LIMD1: variants seen among roughly 807,000 people sequenced by gnomAD.
LIMD1 encodes LIM domain containing 1.
LIMD1 carries 23 observed loss-of-function variants against 58.4 expected under a neutral mutation model. The ratio of observed to expected loss-of-function variants is 0.39; its 90% CI spans 0.28 to 0.56. The LOEUF (loss-of-function observed/expected upper bound fraction) is 0.56, where lower values mean the gene tolerates loss of function less well. Among genes scored for constraint, LIMD1 ranks in the 20% least tolerant of loss-of-function variants. The pLI is 0.57. For missense variants in LIMD1, 838 were observed against 855.5 expected (o/e 0.98, Z 0.25); for synonymous variants, 334 against 345.5 (o/e 0.97, Z 0.37).
Position 45,595,612 on chromosome 3 carries a change from G to A in LIMD1, c.733G>A (p.Gly245Ser), listed in dbSNP as rs138283453. 32 of 1,613,850 alleles carry A rather than the reference G, an allele frequency of 2.0e-5. No individual in the cohort carries two copies. The highest frequency in any genetic ancestry group is 1.9e-4 in the African/African-American group (14 of 74,860). ...SSSRSSEGSL[G>S]GQNSGIGGRS... ...CAGCAGGTCTTCTGAGGGTAGCCTCGGTGGTCAGAATAGTGGCATTGGTGG... is the reference window on the plus strand; with the variant it reads ...CAGCAGGTCTTCTGAGGGTAGCCTCAGTGGTCAGAATAGTGGCATTGGTGG... Residue 245 changes from glycine to serine, a missense_variant, in exon 1 of 8, where the codon GGT becomes AGT. This residue lies in a region of LIMD1 where 659 missense variants were observed against 639.8 expected (regional missense o/e 1.03). Transcript: ENST00000273317.
chr3:45,646,214 G>A (rs1299724258), intron 2 of LIMD1, among the ~76,000 whole-genome samples: 1 of 152,202 alleles, frequency 6.6e-6, no homozygotes, highest in Non-Finnish European at 1.5e-5. Context: ...GTGTGTTCGT[G>A]CCCAGGGGCA....
chr3:45,616,482 C>T (rs73830443), intron 1 of LIMD1, among the ~76,000 whole-genome samples: 1,657 of 152,216 alleles, frequency 0.011, 25 homozygotes, highest in African/African-American at 0.037. Flanking sequence ...TTCAGTGCCC[C>T]CGACCCCTTC....
chr3:45,601,230 G>GA (rs1701408671), intron 1 of LIMD1, among the ~76,000 whole-genome samples: 1 of 152,198 alleles, frequency 6.6e-6, no homozygotes, highest in African/African-American at 2.4e-5. Flanking sequence ...GGGTAGAGGA[G>GA]AGCTGAGCTG....
At chr3:45,644,637 C>T (rs1269819301) in intron 2 of LIMD1, among the ~76,000 whole-genome samples, 1 of 152,176 alleles carries the variant, frequency 6.6e-6, no homozygotes, top group Non-Finnish European at 1.5e-5. Context: ...TGGTTGGTTT[C>T]GTCACTGTTA....
At position 45,684,781 on chromosome 3, in the gene LIMD1, A is replaced by G. The variant is rs1273245741; in HGVS notation, c.*7722A>G. On this transcript the variant is annotated 3_prime_UTR_variant, in exon 8 of 8. Transcript: ENST00000273317. ...CCTTGACACCTGCACACATGGCAAC[A>G]AACAGAAGGGAGGCGAAATCTTCCA... 1.3e-5 allele frequency: 2 copies of G among 152,214 alleles called. No individual in the cohort carries two copies. Among genetic ancestry groups the G allele is most frequent in the Non-Finnish European group, 2.9e-5 (2 of 68,034 alleles). 9.4% of individuals were successfully genotyped at this position (152,214 alleles called of 1,614,324 possible).
chr3:45,607,014 G>T (rs560405971), intron 1 of LIMD1, among the ~76,000 whole-genome samples: 9 of 152,068 alleles, frequency 5.9e-5, no homozygotes, highest in African/African-American at 2.2e-4. Context: ...GGCAGGTCTC[G>T]AACTCCTGAC....
Position 45,618,049 on chromosome 3 carries a change from G to T in LIMD1, c.1409-18101G>T, listed in dbSNP as rs78865452. On this transcript the variant is annotated intron_variant, in intron 1 of 7. Coordinates refer to ENST00000273317, the MANE Select transcript of LIMD1 (RefSeq NM_014240.3). ...CATTCTGGTTCCCTTCTGGTTCCGT[G>T]TGGTGGGGCACCTCACTGCCTGAGG... 4.1e-3 allele frequency among the ~76,000 whole-genome samples: 624 copies of T among 152,244 alleles called. 7 individuals carry two copies. The highest frequency in any genetic ancestry group is 0.014 in the African/African-American group (593 of 41,526).
chr3:45,616,383 C>G (rs1157970811), intron 1 of LIMD1, among the ~76,000 whole-genome samples: 3 of 152,178 alleles, frequency 2.0e-5, no homozygotes, highest in Admixed American at 2.0e-4. Context: ...CAGCCAGCAG[C>G]CTTCCCAAAG....
intron 1 of LIMD1, among the ~76,000 whole-genome samples, chr3:45,598,637 G>A (rs1701379856): frequency 6.6e-6 from 1 of 152,246 alleles, no homozygotes; most frequent in South Asian, 2.1e-4. Flanking sequence ...AGTGAATGAA[G>A]TAAATAAGCA....
chr3:45,646,102 C>T (rs953819993), intron 2 of LIMD1, among the ~76,000 whole-genome samples: 1 of 151,952 alleles, frequency 6.6e-6, no homozygotes, highest in African/African-American at 2.4e-5. Context: ...ACAAGCTGCA[C>T]GTGGCTGTCT....
At chr3:45,636,692 A>G (rs1701792199) in intron 2 of LIMD1, among the ~76,000 whole-genome samples, 1 of 152,134 alleles carries the variant, frequency 6.6e-6, no homozygotes, top group Non-Finnish European at 1.5e-5. Context: ...ATTACTCTGT[A>G]ACCACCTCCC....
chr3:45,659,866 AT>A (rs1697403887), intron 2 of LIMD1, among the ~76,000 whole-genome samples: 1 of 152,240 alleles, frequency 6.6e-6, no homozygotes, highest in African/African-American at 2.4e-5. Flanking sequence ...GGGAGAGTTT[AT>A]CATCTTACAC....
chr3:45,598,872 G>A (rs1701381949), intron 1 of LIMD1, among the ~76,000 whole-genome samples: 1 of 152,166 alleles, frequency 6.6e-6, no homozygotes, highest in Admixed American at 6.5e-5. Context: ...GTCTGTGCTG[G>A]GCACTGTACT....
At chr3:45,669,875 T>C (rs2673023) in intron 4 of LIMD1, among the ~76,000 whole-genome samples, 123,686 of 152,124 alleles carry the variant, frequency 0.81, 50,715 homozygotes, top group African/African-American at 0.92. Context: ...CTGCTGTGAA[T>C]ACTCTTGAAC....
chr3:45,639,706 A>T (rs1362452437), intron 2 of LIMD1, among the ~76,000 whole-genome samples: 1 of 152,134 alleles, frequency 6.6e-6, no homozygotes, highest in African/African-American at 2.4e-5. Flanking sequence ...CTTATTGCCC[A>T]GGCTGGAGTG....
intron 2 of LIMD1, among the ~76,000 whole-genome samples, chr3:45,658,322 G>A (rs977266634): frequency 2.6e-5 from 4 of 152,000 alleles, no homozygotes; most frequent in Admixed American, 1.3e-4. Flanking sequence ...AAAATCAGAC[G>A]TAGTCCCCCA....
At chr3:45,664,797 T>G (rs975137494) in intron 2 of LIMD1, among the ~76,000 whole-genome samples, 2 of 152,228 alleles carry the variant, frequency 1.3e-5, no homozygotes, top group African/African-American at 4.8e-5. Context: ...TTTACTTTCA[T>G]TTTGTGGGCT....
chr3:45,595,316 A>G lies in LIMD1; in HGVS notation c.437A>G (p.Gln146Arg). ...CTGCATGGCACGAGGCATGGCAGCC[A>G]GGACTGTGGTTCCAGGGAGAGCCTG... The part of the protein sequence containing the change: ...PYLHGTRHGS[Q>R]DCGSRESLAT... Residue 146 changes from glutamine to arginine, a missense_variant, in exon 1 of 8, where the codon CAG becomes CGG. This residue lies in a region of LIMD1 where 659 missense variants were observed against 639.8 expected (regional missense o/e 1.03). Transcript: ENST00000273317. 4.3e-6 allele frequency: 7 copies of G among 1,613,536 alleles called. No individual in the cohort carries two copies. Among genetic ancestry groups the G allele is most frequent in the Non-Finnish European group, 5.9e-6 (7 of 1,180,030 alleles).
chr3:45,656,531 T>G (rs1242648403), intron 2 of LIMD1, among the ~76,000 whole-genome samples: 1 of 151,970 alleles, frequency 6.6e-6, no homozygotes, highest in Non-Finnish European at 1.5e-5. Flanking sequence ...CTTTCTTTTT[T>G]TTTTTGAGAC....
Sources: allele counts gnomAD v4.1 joint callset (sites outside exome capture counted in the v4.1 genomes callset), GRCh38; gene constraint gnomAD v4.1.1; regional missense constraint gnomAD v4.1.1; transcripts MANE v1.5; gene names NCBI Gene and HGNC (gene_info 2026-07-23, HGNC 2026-07-21).